CYP3A43: variants seen among roughly 807,000 people sequenced by gnomAD.
CYP3A43 encodes cytochrome P450 family 3 subfamily A member 43.
Under a neutral mutation model 58.0 loss-of-function variants are expected in CYP3A43, and 45 were observed. The observed-to-expected ratio is 0.78, with a 90% confidence interval of 0.61 to 0.99. The LOEUF (loss-of-function observed/expected upper bound fraction) is 0.99, where lower values mean the gene tolerates loss of function less well. Ranked by LOEUF, CYP3A43 falls within the 50% of genes least tolerant of loss-of-function variation. The probability of loss-of-function intolerance (pLI) is 0.00; values close to 1 mark genes in which losing one functional copy is unlikely to be tolerated. For synonymous variants in CYP3A43, 191 were observed against 201.4 expected, an observed-to-expected ratio of 0.95 and a Z score of 0.44; for missense variants, 593 against 591.9, an observed-to-expected ratio of 1.00 and a Z score of -0.02.
chr7:99,842,536 T>C (rs1202447701), intron 3 of CYP3A43, among the ~76,000 whole-genome samples: 1 of 152,228 alleles, frequency 6.6e-6, no homozygotes, highest in Non-Finnish European at 1.5e-5. Context: ...TTTAACTTTG[T>C]TTACGGTATC....
intron 12 of CYP3A43, 49 bp from the exon 13 acceptor site, chr7:99,865,857 T>G (rs147270307): frequency 1.4e-6 from 2 of 1,380,296 alleles, no homozygotes; most frequent in East Asian, 2.3e-5. Context: ...CTTCTATCTT[T>G]TCTTCATTTG....
At chr7:99,863,087 G>A (rs1253723987) in intron 11 of CYP3A43, among the ~76,000 whole-genome samples, 1 of 152,106 alleles carries the variant, frequency 6.6e-6, no homozygotes, top group Non-Finnish European at 1.5e-5. Context: ...TAGACACCAG[G>A]CTATAGAACA....
At chr7:99,836,015 G>T (rs1421820232) in intron 1 of CYP3A43, among the ~76,000 whole-genome samples, 1 of 152,174 alleles carries the variant, frequency 6.6e-6, no homozygotes. Context: ...CTTCCGAGAT[G>T]TAACTAGAGC....
At position 99,863,579 on chromosome 7, in the gene CYP3A43, C is replaced by T. The variant is rs745590819; in HGVS notation, c.1296C>T (p.Tyr432=). The change falls in exon 12 of 13, where the codon TAC becomes TAT. Residue 432 remains tyrosine (Y), a synonymous_variant. Transcript: ENST00000354829. The part of the protein sequence containing the change: ...KNKDSIDLYR[Y]IPFGAGPRNC... ...AGGACAGCATAGATCTTTACAGATA[C>T]ATACCTTTTGGAGCTGGACCCCGAA... 6.2e-7 allele frequency: 1 copy of T among 1,613,830 alleles called. No homozygotes were observed. The highest frequency in any genetic ancestry group is 1.3e-5 in the African/African-American group (1 of 75,032).
chr7:99,863,773 A>C, intron 12 of CYP3A43, 74 bp downstream of exon 12: 1 of 1,248,528 alleles, frequency 8.0e-7, no homozygotes, highest in Non-Finnish European at 1.1e-6. Flanking sequence ...TTTAAAAATT[A>C]TTGTTCATTT....
At chr7:99,847,330 A>G (rs1817574022) in intron 4 of CYP3A43, among the ~76,000 whole-genome samples, 158 bp from the exon 5 acceptor site, 2 of 151,954 alleles carry the variant, frequency 1.3e-5, no homozygotes, top group Non-Finnish European at 2.9e-5. Flanking sequence ...CTACACATTC[A>G]AGATAAATCT....
intron 1 of CYP3A43, among the ~76,000 whole-genome samples, chr7:99,832,887 T>C (rs1398196504): frequency 6.6e-6 from 1 of 152,170 alleles, no homozygotes; most frequent in African/African-American, 2.4e-5. Flanking sequence ...CTCTTTTCTT[T>C]ATAAATTACC....
At chr7:99,852,779 C>T (rs2151614405) in intron 7 of CYP3A43, among the ~76,000 whole-genome samples, 1 of 152,246 alleles carries the variant, frequency 6.6e-6, no homozygotes, top group East Asian at 1.9e-4. Flanking sequence ...CATAGATGCC[C>T]TGTATCAGGT....
intron 1 of CYP3A43, among the ~76,000 whole-genome samples, chr7:99,831,619 T>C (rs1316115657): frequency 6.6e-6 from 1 of 152,206 alleles, no homozygotes. Flanking sequence ...ATCCAGAACC[T>C]GCAATTGATG....
intron 7 of CYP3A43, 50 bp downstream of exon 7, chr7:99,849,744 T>C (rs1263688052): frequency 6.7e-7 from 1 of 1,496,676 alleles, no homozygotes; most frequent in East Asian, 2.3e-5. Context: ...CTCATCTAAT[T>C]TTTAAAAACA....
At chr7:99,857,339 G>T (rs528904792) in intron 9 of CYP3A43, among the ~76,000 whole-genome samples, 13 of 152,226 alleles carry the variant, frequency 8.5e-5, no homozygotes, top group African/African-American at 3.1e-4. Flanking sequence ...CCTATATAAT[G>T]GAAAAGTAAC....
At chr7:99,838,624 C>T in intron 2 of CYP3A43, 1 of 1,262,566 alleles carries the variant, frequency 7.9e-7, no homozygotes, top group Non-Finnish European at 1.0e-6. Context: ...TTAAAAGTGA[C>T]TTTAAATTCT....
At position 99,859,931 on chromosome 7, in the gene CYP3A43, A is replaced by T. The variant is rs1410215043; in HGVS notation, c.967A>T (p.Thr323Ser). ...CCCCTTCATTATGTATGAACTGGCC[A>T]CTCACCCTGATGTCCAGCAGAAACT... ...TLPFIMYELATHPDVQQKLQE... is the reference protein window; with the variant it reads ...TLPFIMYELASHPDVQQKLQE... Residue 323 changes from threonine to serine, a missense_variant, in exon 10 of 13, where the codon ACT (threonine) becomes TCT (serine). Transcript: ENST00000354829. 2.5e-6 allele frequency: 4 copies of T among 1,613,394 alleles called. No homozygotes were observed. Among genetic ancestry groups the T allele is most frequent in the Middle Eastern group, 1.7e-4 (1 of 6,050 alleles).
At position 99,836,439 on chromosome 7, in the gene CYP3A43, C is replaced by T. The variant is rs769081949; in HGVS notation, c.72-14C>T. On this transcript the variant is annotated splice_polypyrimidine_tract_variant and intron_variant, in intron 1 of 12. Coordinates refer to ENST00000354829, the MANE Select transcript of CYP3A43 (RefSeq NM_057095.3). ...TACAATTTCTGTAACCTGGCTTTCT[C>T]TTTTATTTTATAGTTATGGGACCCA... 2.5e-6 allele frequency: 4 copies of T among 1,606,638 alleles called. No homozygotes were observed. The highest frequency in any genetic ancestry group is 3.4e-6 in the Non-Finnish European group (4 of 1,176,008).
chr7:99,839,897 G>T (rs1290319129), intron 3 of CYP3A43, among the ~76,000 whole-genome samples: 4 of 152,262 alleles, frequency 2.6e-5, no homozygotes, highest in Middle Eastern at 3.4e-3. Context: ...GAAGTTGGCT[G>T]CCCCACCCTA....
intron 1 of CYP3A43, 124 bp from the exon 2 acceptor site, chr7:99,836,328 TG>T: frequency 1.4e-6 from 1 of 704,012 alleles, no homozygotes; most frequent in Non-Finnish European, 2.5e-6. Context: ...GAGTTTCTGT[TG>T]TTATTTATTG....
Position 99,839,875 on chromosome 7 carries a change from A to G in CYP3A43, c.218+703A>G, listed in dbSNP as rs1287535054. On this transcript the variant is annotated intron_variant, in intron 3 of 12. Coordinates refer to ENST00000354829, the MANE Select transcript of CYP3A43 (RefSeq NM_057095.3). ...GGTTAGGACTAGGTGTACTGTTTGC[A>G]TAACATGTGAAGAAGTTGGCTGCCC... Among the ~76,000 whole-genome samples the G allele has an allele frequency of 2.0e-5, 3 of 152,302 alleles. No homozygotes were observed. The East Asian group carries it at 5.8e-4, about 29-fold the overall frequency.
At chr7:99,865,665 G>A (rs2151630791) in intron 12 of CYP3A43, among the ~76,000 whole-genome samples, 1 of 148,722 alleles carries the variant, frequency 6.7e-6, no homozygotes, top group South Asian at 2.1e-4. Context: ...ACAATCTCAA[G>A]CCTGGCACAG....
intron 9 of CYP3A43, among the ~76,000 whole-genome samples, chr7:99,858,328 T>C (rs953368601): frequency 3.3e-5 from 5 of 152,204 alleles, no homozygotes; most frequent in Non-Finnish European, 5.9e-5. Context: ...ACTCATCTTG[T>C]ATTGTTTTCA....
Sources: allele counts gnomAD v4.1 joint callset (sites outside exome capture counted in the v4.1 genomes callset), GRCh38; gene constraint gnomAD v4.1.1; transcripts MANE v1.5; gene names NCBI Gene and HGNC (gene_info 2026-07-23, HGNC 2026-07-21).